THRB: variants seen among roughly 807,000 people sequenced by gnomAD.
The protein encoded by THRB is thyroid hormone receptor beta.
In THRB, 12 loss-of-function variants were observed where a neutral mutation model predicts 47.8. The ratio of observed to expected loss-of-function variants is 0.25; its 90% CI spans 0.16 to 0.41. The LOEUF is 0.41. Ranked by LOEUF, THRB falls within the 10% of genes least tolerant of loss-of-function variation. The pLI, the probability that THRB is intolerant of heterozygous loss-of-function variation, is 1.00. For missense variants in THRB, 348 were observed against 589.2 expected, an observed-to-expected ratio of 0.59 and a Z score of 4.24; for synonymous variants, 218 against 212.2, an observed-to-expected ratio of 1.03 and a Z score of -0.24.
At chr3:24,153,343 C>T (rs138911871) in intron 5 of THRB, among the ~76,000 whole-genome samples, 84 of 152,262 alleles carry the variant, frequency 5.5e-4, no homozygotes, top group African/African-American at 2.0e-3. Context: ...TCTAGCCCTC[C>T]AGTGTAATAT....
chr3:24,158,433 T>TGGG (rs1297009115), intron 5 of THRB, among the ~76,000 whole-genome samples: 1 of 81,018 alleles, frequency 1.2e-5, no homozygotes, highest in African/African-American at 6.3e-5. Context: ...TTTTTTTTTT[T>TGGG]GGGGGGAGGG....
At chr3:24,454,477 A>G (rs2072977757) in intron 1 of THRB, among the ~76,000 whole-genome samples, 1 of 152,160 alleles carries the variant, frequency 6.6e-6, no homozygotes, top group African/African-American at 2.4e-5. Flanking sequence ...AAATCACTCA[A>G]TTGTGTGCAC....
At chr3:24,299,091 C>T (rs2056694576) in intron 2 of THRB, among the ~76,000 whole-genome samples, 2 of 150,924 alleles carry the variant, frequency 1.3e-5, no homozygotes, top group Non-Finnish European at 3.0e-5. Context: ...ACTAAAAATA[C>T]AAAAAAATTA....
intron 1 of THRB, among the ~76,000 whole-genome samples, chr3:24,341,262 C>T (rs2062633205): frequency 9.1e-6 from 1 of 110,118 alleles, no homozygotes; most frequent in Non-Finnish European, 1.7e-5. Flanking sequence ...GACAGGGTCT[C>T]ACTTTGTCAC....
In THRB at chr3:24,230,951, C is replaced by G. The variant is rs139266930; in HGVS notation, c.-42-1950G>C. Among the ~76,000 whole-genome samples, 14 of 152,242 alleles carry G rather than the reference C, an allele frequency of 9.2e-5. No homozygotes were observed. In the East Asian group the frequency reaches 2.7e-3, roughly 29 times the overall value. On this transcript the variant is annotated intron_variant, in intron 3 of 10. Coordinates refer to ENST00000646209, the MANE Select transcript of THRB (RefSeq NM_001354712.2). ...TATCTCTCAGCCACCTGGAAAAAGT[C>G]CATTTGAAGGTGAGAGAGAGGATCC...
intron 3 of THRB, among the ~76,000 whole-genome samples, chr3:24,245,030 C>A (rs1377383512): frequency 6.6e-6 from 1 of 152,188 alleles, no homozygotes; most frequent in African/African-American, 2.4e-5. Context: ...AGGGGGCTAT[C>A]CAGAGTCCTG....
At chr3:24,349,733 G>A (rs1053126831) in intron 1 of THRB, among the ~76,000 whole-genome samples, 3 of 152,122 alleles carry the variant, frequency 2.0e-5, no homozygotes, top group South Asian at 2.1e-4. Flanking sequence ...GGTGAAACAC[G>A]AAATCCTCAG....
chr3:24,283,828 C>A (rs1426264826), intron 3 of THRB, among the ~76,000 whole-genome samples: 6 of 151,940 alleles, frequency 3.9e-5, no homozygotes, highest in Non-Finnish European at 5.9e-5. Flanking sequence ...CTCCCATTCA[C>A]AATTGCTACA....
chr3:24,299,352 C>A (rs562062997), intron 2 of THRB, among the ~76,000 whole-genome samples: 16 of 150,128 alleles, frequency 1.1e-4, no homozygotes, highest in Non-Finnish European at 2.1e-4. Context: ...ACTAAGAGTT[C>A]TTTAAAAATA....
rs1479579674 is a variant in THRB, at chr3:24,118,404, A to G, written c.*4480T>C. 1 of 152,650 alleles carries G rather than the reference A, an allele frequency of 6.6e-6. No homozygotes were observed. Among genetic ancestry groups the G allele is most frequent in the East Asian group, 1.9e-4 (1 of 5,202 alleles). 9.5% of individuals were successfully genotyped at this position (152,650 alleles called of 1,614,324 possible). Reference sequence around the variant, plus strand: ...TTTCAACAGAGTTTTAGGCTGAAAAAAATATCACCATCTAGCAATATCACT... The same window carrying G: ...TTTCAACAGAGTTTTAGGCTGAAAAGAATATCACCATCTAGCAATATCACT... On this transcript the variant is annotated 3_prime_UTR_variant, in exon 11 of 11. Transcript: ENST00000646209.
chr3:24,172,583 G>C (rs1575581762), intron 5 of THRB, among the ~76,000 whole-genome samples: 1 of 152,150 alleles, frequency 6.6e-6, no homozygotes, highest in South Asian at 2.1e-4. Context: ...CGATCACCAA[G>C]CAGAATATGC....
chr3:24,428,734 T>G (rs1577489028), intron 1 of THRB, among the ~76,000 whole-genome samples: 1 of 151,966 alleles, frequency 6.6e-6, no homozygotes, highest in South Asian at 2.1e-4. Context: ...GATGGTGCAA[T>G]GTTAGCATTA....
At chr3:24,228,895 A>G (rs1401436371) in intron 4 of THRB, 43 bp downstream of exon 4, 1 of 1,583,118 alleles carries the variant, frequency 6.3e-7, no homozygotes, top group East Asian at 2.2e-5. Flanking sequence ...TAGGTGGAAC[A>G]AAAATGGAGG....
intron 3 of THRB, among the ~76,000 whole-genome samples, chr3:24,236,049 C>A (rs1381618110): frequency 1.3e-5 from 2 of 152,102 alleles, no homozygotes; most frequent in Non-Finnish European, 2.9e-5. Flanking sequence ...ATGGCTGTCC[C>A]CCTAGGTGGG....
At chr3:24,414,676 T>C (rs1459794476) in intron 1 of THRB, among the ~76,000 whole-genome samples, 5 of 151,888 alleles carry the variant, frequency 3.3e-5, no homozygotes, top group Admixed American at 2.0e-4. Flanking sequence ...GTAATTCCTA[T>C]ACTAAATGAT....
At chr3:24,238,180 C>T in intron 3 of THRB, 1 of 147,368 alleles carries the variant, frequency 6.8e-6, no homozygotes, top group Non-Finnish European at 1.5e-5. Context: ...GCCCCTTTGG[C>T]CAAAGCATGC....
chr3:24,376,746 G>C (rs1267744833), intron 1 of THRB, among the ~76,000 whole-genome samples: 2 of 152,192 alleles, frequency 1.3e-5, no homozygotes, highest in East Asian at 1.9e-4. Context: ...ACTATTTCCA[G>C]CTGATCTGCC....
rs865845940 is a variant in THRB, at chr3:24,320,555, T to A, written c.-189+16745A>T. On this transcript the variant is annotated intron_variant, in intron 2 of 10. Coordinates refer to ENST00000646209, the MANE Select transcript of THRB (RefSeq NM_001354712.2). ...TTTCTGAGTTGAGAACCAGCACTGA[T>A]GTTTTGGCAGAAGATTTAATTGGCA... Among the ~76,000 whole-genome samples the A allele has an allele frequency of 2.0e-5, 3 of 152,282 alleles. No homozygotes were observed. In the South Asian group the frequency reaches 6.2e-4, roughly 32 times the overall value.
At chr3:24,158,789 A>G (rs2038302295) in intron 5 of THRB, among the ~76,000 whole-genome samples, 1 of 151,814 alleles carries the variant, frequency 6.6e-6, no homozygotes, top group South Asian at 2.1e-4. Context: ...TGTAAGCATT[A>G]TGTGTCTTTG....
Sources: gnomAD v4.1 joint callset for allele counts (sites outside exome capture counted in the v4.1 genomes callset) on GRCh38, gnomAD v4.1.1 for gene constraint, MANE v1.5 for transcripts, NCBI Gene and HGNC (gene_info 2026-07-23, HGNC 2026-07-21) for gene names.